Variants in LIPI observed in about 807,000 individuals in gnomAD.
LIPI encodes lipase member I.
In LIPI, 59 loss-of-function variants were observed where a neutral mutation model predicts 50.6. The observed-to-expected ratio is 1.16, with a 90% CI of 0.94 to 1.45. LIPI has a LOEUF of 1.45. Ranked by LOEUF, LIPI falls within the 40% of genes most tolerant of loss-of-function variation. The pLI, the probability that LIPI is intolerant of heterozygous loss-of-function variation, is 0.00. For synonymous variants in LIPI, 203 were observed against 178.2 expected (o/e 1.14, Z -1.11); for missense variants, 586 against 536.3 (o/e 1.09, Z -0.92).
intron 9 of LIPI, among the ~76,000 whole-genome samples, chr21:14,136,197 G>A (rs1163297651): frequency 6.6e-6 from 1 of 152,148 alleles, no homozygotes; most frequent in Non-Finnish European, 1.5e-5. Flanking sequence ...GGGCCTTGGC[G>A]AGCCTCAGAG....
intron 1 of LIPI, among the ~76,000 whole-genome samples, chr21:14,206,195 T>C (rs2020220169): frequency 6.6e-6 from 1 of 152,094 alleles, no homozygotes; most frequent in African/African-American, 2.4e-5. Context: ...GAGGCAGGCA[T>C]AGTGCCCTGG....
chr21:14,133,770 T>C (rs1426505089), intron 9 of LIPI, among the ~76,000 whole-genome samples: 5 of 152,218 alleles, frequency 3.3e-5, no homozygotes, highest in Admixed American at 1.3e-4. Flanking sequence ...AATAAGTGAA[T>C]TCAGAAAAGT....
At chr21:14,202,470 G>T (rs1482531428) in intron 1 of LIPI, among the ~76,000 whole-genome samples, 1 of 152,096 alleles carries the variant, frequency 6.6e-6, no homozygotes, top group Non-Finnish European at 1.5e-5. Context: ...GCATGGTACT[G>T]GTACCAAAAC....
chr21:14,137,102 C>G (rs1368848997), intron 9 of LIPI, among the ~76,000 whole-genome samples: 1 of 152,024 alleles, frequency 6.6e-6, no homozygotes, highest in Non-Finnish European at 1.5e-5. Flanking sequence ...GAGTGCTGTC[C>G]TAAGAAGGAT....
chr21:14,113,123 T>C (rs1287228135), intron 9 of LIPI, among the ~76,000 whole-genome samples: 3 of 152,196 alleles, frequency 2.0e-5, no homozygotes, highest in African/African-American at 7.2e-5. Context: ...GAGAATAGAA[T>C]TTAAGAGCAT....
At chr21:14,112,761 A>G (rs2123298966) in intron 9 of LIPI, among the ~76,000 whole-genome samples, 1 of 152,244 alleles carries the variant, frequency 6.6e-6, no homozygotes, top group Admixed American at 6.5e-5. Context: ...ACCAGGCAAT[A>G]TATTATGAAT....
At chr21:14,114,359 T>C (rs115141023) in intron 9 of LIPI, among the ~76,000 whole-genome samples, 86 of 152,228 alleles carry the variant, frequency 5.6e-4, no homozygotes, top group African/African-American at 1.8e-3. Flanking sequence ...TTGAAGATTA[T>C]TGTAAGACTC....
chr21:14,126,659 AG>A (rs1290900130), intron 9 of LIPI, among the ~76,000 whole-genome samples: 1 of 152,216 alleles, frequency 6.6e-6, no homozygotes, highest in African/African-American at 2.4e-5. Flanking sequence ...AGTAATCTAC[AG>A]ATAAGGTTTA....
chr21:14,162,724 T>C (rs537785448), intron 7 of LIPI, among the ~76,000 whole-genome samples: 137 of 151,994 alleles, frequency 9.0e-4, no homozygotes, highest in African/African-American at 3.1e-3. Flanking sequence ...GCAGTGACTG[T>C]GACTGGAAGA....
At position 14,189,322 on chromosome 21, in the gene LIPI, A is replaced by T; in HGVS notation, c.144T>A (p.Tyr48Ter). ...IPRIETILMM[Y>*]TRNNLNCAEP... ...CAGCACAGTTTAGGTTGTTCCTTGT[A>T]TACATCATCAGAATGGTCTCTATTC... The change falls in exon 2 of 10, where the codon TAT (tyrosine) becomes TAA (stop). Residue 48 changes from tyrosine to a stop codon, truncating the protein, a stop_gained. Coordinates refer to ENST00000681601, the MANE Select transcript of LIPI (RefSeq NM_001302998.2). LOFTEE classifies it high-confidence loss of function. 6.2e-7 allele frequency: 1 copy of T among 1,613,424 alleles called. No individual in the cohort carries two copies. The highest frequency in any genetic ancestry group is 8.5e-7 in the Non-Finnish European group (1 of 1,179,376).
intron 9 of LIPI, among the ~76,000 whole-genome samples, chr21:14,120,695 G>A (rs2016828628): frequency 6.6e-6 from 1 of 152,228 alleles, no homozygotes; most frequent in South Asian, 2.1e-4. Context: ...CATCCAGTGA[G>A]AAGGTGTGGT....
At chr21:14,126,561 T>C (rs1396069945) in intron 9 of LIPI, among the ~76,000 whole-genome samples, 2 of 152,184 alleles carry the variant, frequency 1.3e-5, no homozygotes, top group South Asian at 2.1e-4. Context: ...GTATTGAACA[T>C]GTACAGACTT....
chr21:14,128,769 G>A (rs1167257974), intron 9 of LIPI, among the ~76,000 whole-genome samples: 1 of 151,874 alleles, frequency 6.6e-6, no homozygotes, highest in Admixed American at 6.6e-5. Context: ...TTCACTTTGG[G>A]GCAGATAACT....
chr21:14,183,782 T>C (rs990895394), intron 3 of LIPI, among the ~76,000 whole-genome samples: 1 of 152,102 alleles, frequency 6.6e-6, no homozygotes, highest in African/African-American at 2.4e-5. Flanking sequence ...TGAGATACCA[T>C]CTCACACCAG....
chr21:14,114,045 G>A (rs1437580788), intron 9 of LIPI, among the ~76,000 whole-genome samples: 1 of 152,084 alleles, frequency 6.6e-6, no homozygotes, highest in Non-Finnish European at 1.5e-5. Flanking sequence ...AGGCGTGGTG[G>A]CATGCACCTG....
intron 1 of LIPI, among the ~76,000 whole-genome samples, chr21:14,208,966 T>G (rs373719): frequency 0.2 from 30,018 of 151,986 alleles, 3,196 homozygotes; most frequent in Non-Finnish European, 0.23. Context: ...CCAGAGGATT[T>G]CTTGAACCTA....
intron 9 of LIPI, among the ~76,000 whole-genome samples, chr21:14,136,555 A>G (rs1037233413): frequency 6.6e-6 from 1 of 152,168 alleles, no homozygotes; most frequent in African/African-American, 2.4e-5. Context: ...GCAATATAGT[A>G]GAATACCAGG....
intron 9 of LIPI, among the ~76,000 whole-genome samples, chr21:14,124,366 T>A (rs1345519516): frequency 6.6e-6 from 1 of 152,194 alleles, no homozygotes; most frequent in Non-Finnish European, 1.5e-5. Context: ...ACATTTTTAC[T>A]TTTTCCTTCA....
chr21:14,115,817 T>A (rs1301132465), intron 9 of LIPI, among the ~76,000 whole-genome samples: 1 of 152,066 alleles, frequency 6.6e-6, no homozygotes, highest in East Asian at 1.9e-4. Context: ...GGGAGCTTGA[T>A]CACCTCCCAG....
Sources: gnomAD v4.1 joint callset for allele counts (sites outside exome capture counted in the v4.1 genomes callset) on GRCh38, gnomAD v4.1.1 for gene constraint, MANE v1.5 for transcripts, NCBI Gene and HGNC (gene_info 2026-07-23, HGNC 2026-07-21) for gene names.